Variants in RSPH14 observed in about 807,000 individuals in gnomAD.
The protein encoded by RSPH14 is radial spoke head 14 homolog, also known as rhabdoid tumor deletion region gene 1.
A neutral mutation model predicts 26.7 loss-of-function variants in RSPH14; 20 were observed. That is an observed-to-expected ratio of 0.75 (90% CI 0.53 to 1.09). The LOEUF (loss-of-function observed/expected upper bound fraction) is 1.09. Ranked by LOEUF, RSPH14 falls within the 50% of genes least tolerant of loss-of-function variation. RSPH14 has a pLI of 0.00. For synonymous variants in RSPH14, 177 were observed against 189.3 expected (o/e 0.93, Z 0.53); for missense variants, 449 against 457.2 (o/e 0.98, Z 0.16).
At chr22:23,129,976 GAAAGAGAC>G (rs1158421847) in intron 4 of RSPH14, among the ~76,000 whole-genome samples, 2 of 146,922 alleles carry the variant, frequency 1.4e-5, no homozygotes, top group Non-Finnish European at 3.0e-5. Context: ...GGAAGAAAGA[GAAAGAGAC>G]AAAGAGAGAA....
At chr22:23,074,260 G>A (rs892230352) in intron 4 of RSPH14, among the ~76,000 whole-genome samples, 1 of 152,174 alleles carries the variant, frequency 6.6e-6, no homozygotes, top group African/African-American at 2.4e-5. Context: ...TAAGGCTGGG[G>A]GCCATGAGGG....
chr22:23,082,795 A>G (rs963481197), intron 4 of RSPH14, among the ~76,000 whole-genome samples: 4 of 152,054 alleles, frequency 2.6e-5, no homozygotes, highest in African/African-American at 9.7e-5. Flanking sequence ...TTTCTAGCAT[A>G]AGAGGACATG....
chr22:23,155,945 T>C, the RSPH14 span: 1 of 1,598,730 alleles, frequency 6.3e-7, no homozygotes, highest in Non-Finnish European at 8.5e-7. Flanking sequence ...ACCATTTCCC[T>C]TTCTTTCTCA....
chr22:23,072,074 A>G (rs2068393846), intron 4 of RSPH14, among the ~76,000 whole-genome samples: 1 of 152,042 alleles, frequency 6.6e-6, no homozygotes, highest in African/African-American at 2.4e-5. Context: ...CCTGGAGAAG[A>G]GCTAGCTTTA....
Position 23,080,346 on chromosome 22 carries a change from A to G in RSPH14, c.422-16213T>C, listed in dbSNP as rs140294705. 6.1e-3 allele frequency among the ~76,000 whole-genome samples: 930 copies of G among 152,242 alleles called. 4 individuals carry two copies. Among genetic ancestry groups the G allele is most frequent in the African/African-American group, 0.02 (834 of 41,518 alleles). On this transcript the variant is annotated intron_variant, in intron 4 of 6. Transcript: ENST00000216036. Reference sequence around the variant, plus strand: ...CCAGGACAGCACAGGGTTACAGGGAAGGGCCTCCCTGTTCATCTCATCTCC... The same window carrying G: ...CCAGGACAGCACAGGGTTACAGGGAGGGGCCTCCCTGTTCATCTCATCTCC...
chr22:23,152,403 G>A, the RSPH14 span: 1 of 1,568,096 alleles, frequency 6.4e-7, no homozygotes, highest in Non-Finnish European at 8.8e-7. Context: ...GGGGCTGTGA[G>A]TGTCTGAAGA....
chr22:23,117,337 A>G (rs1247222079), intron 4 of RSPH14, among the ~76,000 whole-genome samples: 2 of 152,196 alleles, frequency 1.3e-5, no homozygotes, highest in South Asian at 2.1e-4. Context: ...CATTCATCAC[A>G]TCGGCCATTG....
intron 4 of RSPH14, among the ~76,000 whole-genome samples, chr22:23,129,493 C>T (rs2070256151): frequency 6.6e-6 from 1 of 151,228 alleles, no homozygotes; most frequent in Non-Finnish European, 1.5e-5. Flanking sequence ...GAAAAGCAAA[C>T]TCGTACATTT....
At chr22:23,157,632 G>A in the RSPH14 span, among the ~76,000 whole-genome samples, 1 of 152,138 alleles carries the variant, frequency 6.6e-6, no homozygotes, top group African/African-American at 2.4e-5. Flanking sequence ...TCTCGTCCTC[G>A]CCATTTTACA....
chr22:23,145,523 C>T (rs1315405313), upstream of RSPH14: 9 of 1,603,754 alleles, frequency 5.6e-6, no homozygotes, highest in Middle Eastern at 8.6e-4. Flanking sequence ...CCAGGCCGCG[C>T]GGAGCCCCAG....
At chr22:23,061,194 G>T (rs1482314350) in intron 6 of RSPH14, among the ~76,000 whole-genome samples, 1 of 152,200 alleles carries the variant, frequency 6.6e-6, no homozygotes, top group African/African-American at 2.4e-5. Context: ...CCCCAGGCTG[G>T]TGGGTGTGTA....
chr22:23,127,015 A>G (rs2070200496), intron 4 of RSPH14, among the ~76,000 whole-genome samples: 1 of 152,204 alleles, frequency 6.6e-6, no homozygotes, highest in South Asian at 2.1e-4. Context: ...GGAAGCAGAG[A>G]CCAGGAGAGG....
chr22:23,171,781 G>A, the RSPH14 span, among the ~76,000 whole-genome samples: 1 of 146,418 alleles, frequency 6.8e-6, no homozygotes, highest in African/African-American at 2.6e-5. Flanking sequence ...GGTAGAGATT[G>A]CGGTGAGCTG....
At chr22:23,112,941 A>C (rs2069695990) in intron 4 of RSPH14, among the ~76,000 whole-genome samples, 1 of 152,202 alleles carries the variant, frequency 6.6e-6, no homozygotes, top group Non-Finnish European at 1.5e-5. Flanking sequence ...ACCAGCCAAG[A>C]GACCAGGAGC....
At chr22:23,158,479 G>A in the RSPH14 span, among the ~76,000 whole-genome samples, 5 of 152,314 alleles carry the variant, frequency 3.3e-5, no homozygotes, top group African/African-American at 4.8e-5. Flanking sequence ...CCATTCAAGA[G>A]GCTATCCTAC....
intron 4 of RSPH14, among the ~76,000 whole-genome samples, chr22:23,097,698 G>A (rs937814716): frequency 6.6e-6 from 1 of 152,266 alleles, no homozygotes; most frequent in African/African-American, 2.4e-5. Context: ...TGTGGTTCTG[G>A]GCAGAGGGGA....
At chr22:23,176,567 C>T in the RSPH14 span, among the ~76,000 whole-genome samples, 4 of 152,186 alleles carry the variant, frequency 2.6e-5, no homozygotes, top group African/African-American at 9.7e-5. Context: ...CTCCGCCAGA[C>T]TTTGTCGCCC....
chr22:23,142,263 A>G (rs369947723), upstream of RSPH14, among the ~76,000 whole-genome samples: 1 of 152,218 alleles, frequency 6.6e-6, no homozygotes, highest in African/African-American at 2.4e-5. Context: ...GAGTAAATTC[A>G]TAAGGTGGTA....
At chr22:23,075,383 G>C (rs1003860973) in intron 4 of RSPH14, among the ~76,000 whole-genome samples, 4 of 152,172 alleles carry the variant, frequency 2.6e-5, no homozygotes, top group Non-Finnish European at 4.4e-5. Flanking sequence ...TTGCCCCTTG[G>C]TCTGTGGACC....
Sources: gnomAD v4.1 joint callset for allele counts (sites outside exome capture counted in the v4.1 genomes callset) on GRCh38, gnomAD v4.1.1 for gene constraint, MANE v1.5 for transcripts, NCBI Gene and HGNC (gene_info 2026-07-23, HGNC 2026-07-21) for gene names.